The following MAML2 variants were observed in gnomAD, a reference collection of about 807,000 sequenced individuals.
The protein encoded by MAML2 is mastermind like transcriptional coactivator 2, also known as mastermind-like protein 2.
A neutral mutation model predicts 96.1 loss-of-function variants in MAML2; 22 were observed. The ratio of observed to expected loss-of-function variants is 0.23; its 90% confidence interval spans 0.16 to 0.33. The LOEUF (loss-of-function observed/expected upper bound fraction) is 0.33, where lower values mean the gene tolerates loss of function less well. MAML2 is among the 10% of genes least tolerant of loss of function. The pLI is 1.00. For missense variants in MAML2, 1,367 were observed against 1,392.4 expected (o/e 0.98, Z 0.29); for synonymous variants, 561 against 521.3 (o/e 1.08, Z -1.04).
chr11:96,137,029 A>G (rs1860644075), intron 1 of MAML2, among the ~76,000 whole-genome samples: 1 of 152,190 alleles, frequency 6.6e-6, no homozygotes, highest in Admixed American at 6.5e-5. Context: ...AAAAAATGCC[A>G]TCAGGGAAGC....
At chr11:96,216,072 CAG>C (rs1431070864) in intron 1 of MAML2, among the ~76,000 whole-genome samples, 1 of 152,084 alleles carries the variant, frequency 6.6e-6, no homozygotes, top group East Asian at 1.9e-4. Flanking sequence ...ATCATATTTG[CAG>C]AGTCACATGT....
chr11:96,314,338 T>G (rs1320317976), intron 1 of MAML2, among the ~76,000 whole-genome samples: 1 of 152,222 alleles, frequency 6.6e-6, no homozygotes, highest in Non-Finnish European at 1.5e-5. Context: ...TCTTTTTGGA[T>G]TATTTCAAAG....
intron 1 of MAML2, among the ~76,000 whole-genome samples, chr11:96,309,196 G>T (rs1180588431): frequency 6.6e-6 from 1 of 152,190 alleles, no homozygotes; most frequent in Non-Finnish European, 1.5e-5. Context: ...ATTGTGTCTA[G>T]CATCATACTG....
At chr11:96,302,411 C>T (rs1224165772) in intron 1 of MAML2, among the ~76,000 whole-genome samples, 1 of 152,172 alleles carries the variant, frequency 6.6e-6, no homozygotes, top group African/African-American at 2.4e-5. Context: ...CCCTAATTCC[C>T]AAGGGAGCCA....
chr11:96,068,350 T>C (rs575206710), intron 2 of MAML2, among the ~76,000 whole-genome samples: 2 of 151,834 alleles, frequency 1.3e-5, no homozygotes, highest in Non-Finnish European at 2.9e-5. Flanking sequence ...AGTAAGTCTA[T>C]GAACCTATGA....
Position 96,079,260 on chromosome 11 carries a change from A to C in MAML2, c.2139+12632T>G, listed in dbSNP as rs1354468749. On this transcript the variant is annotated intron_variant, in intron 2 of 4. Coordinates refer to ENST00000524717, the MANE Select transcript of MAML2 (RefSeq NM_032427.4). ...GTACTTGGGACTATGAAAATAATTT[A>C]AGTCTTTAACCAGACTTAAATTATA... 2.6e-5 allele frequency among the ~76,000 whole-genome samples: 4 copies of C among 152,214 alleles called. No individual in the cohort carries two copies. The East Asian group carries it at 7.7e-4, about 29-fold the overall frequency.
At chr11:96,069,486 C>A (rs1161706643) in intron 2 of MAML2, among the ~76,000 whole-genome samples, 1 of 151,656 alleles carries the variant, frequency 6.6e-6, no homozygotes, top group Non-Finnish European at 1.5e-5. Context: ...CCAGCCTGGG[C>A]AACATGGTAA....
At chr11:96,196,597 T>A (rs1251218370) in intron 1 of MAML2, among the ~76,000 whole-genome samples, 1 of 152,238 alleles carries the variant, frequency 6.6e-6, no homozygotes, top group East Asian at 1.9e-4. Context: ...GTAGCTCTAG[T>A]GAATAACAGG....
chr11:96,302,050 C>T (rs548400250), intron 1 of MAML2, among the ~76,000 whole-genome samples: 216 of 152,314 alleles, frequency 1.4e-3, no homozygotes, highest in African/African-American at 5.0e-3. Context: ...CCACCCTATT[C>T]AATCCTTACA....
chr11:96,196,948 G>T (rs1861742225), intron 1 of MAML2, among the ~76,000 whole-genome samples: 1 of 141,610 alleles, frequency 7.1e-6, no homozygotes, highest in Non-Finnish European at 1.5e-5. Context: ...TTATTATTGT[G>T]GTCCTTATAT....
chr11:96,112,900 G>C (rs1309464039), intron 1 of MAML2, among the ~76,000 whole-genome samples: 1 of 152,226 alleles, frequency 6.6e-6, no homozygotes, highest in Non-Finnish European at 1.5e-5. Flanking sequence ...TTGGTCAACT[G>C]CTGAGAAGAA....
chr11:96,172,069 G>T (rs1004242957), intron 1 of MAML2, among the ~76,000 whole-genome samples: 1 of 152,198 alleles, frequency 6.6e-6, no homozygotes, highest in Non-Finnish European at 1.5e-5. Context: ...AAAACACAAA[G>T]CACAGTATAT....
At position 96,342,652 on chromosome 11, in the gene MAML2, A is replaced by G. The variant is rs1254724269; in HGVS notation, c.-757T>C. ...GGAGACAGCTTTTCAACTGTTAACAATGTCAGTAATTGGACTTTTGGACCA... is the reference window on the plus strand; with the variant it reads ...GGAGACAGCTTTTCAACTGTTAACAGTGTCAGTAATTGGACTTTTGGACCA... On this transcript the variant is annotated 5_prime_UTR_variant, in exon 1 of 5. Coordinates refer to ENST00000524717, the MANE Select transcript of MAML2 (RefSeq NM_032427.4). 5 of 379,220 alleles carry G rather than the reference A, an allele frequency of 1.3e-5. No individual in the cohort carries two copies. The highest frequency in any genetic ancestry group is 2.3e-5 in the Non-Finnish European group (5 of 214,562). The allele number at this position is 379,220 out of a possible 1,614,324, so 23.5% of individuals were successfully genotyped here.
chr11:96,145,314 G>C (rs745485021), intron 1 of MAML2, among the ~76,000 whole-genome samples: 3 of 152,162 alleles, frequency 2.0e-5, no homozygotes, highest in Admixed American at 6.5e-5. Flanking sequence ...GTACCAACTC[G>C]TGGACAGTAG....
At chr11:95,984,255 A>G (rs573287047) in intron 4 of MAML2, among the ~76,000 whole-genome samples, 1 of 152,316 alleles carries the variant, frequency 6.6e-6, no homozygotes, top group East Asian at 1.9e-4. Flanking sequence ...CTAGGTTTGT[A>G]TAAGTACACT....
Position 95,978,650 on chromosome 11 carries a change from A to G in MAML2, c.*298T>C, listed in dbSNP as rs969472041. On this transcript the variant is annotated 3_prime_UTR_variant, in exon 5 of 5. Transcript: ENST00000524717. ...TTTCCAGGGAAAAAGAAACTTGGGA[A>G]GGCTATTTTACACAATTAATTACAC... The G allele has an allele frequency of 1.3e-5, 4 of 310,018 alleles. No individual in the cohort carries two copies. Among genetic ancestry groups the G allele is most frequent in the African/African-American group, 2.1e-5 (1 of 46,948 alleles). 19.2% of individuals were successfully genotyped at this position (310,018 alleles called of 1,614,324 possible).
intron 1 of MAML2, among the ~76,000 whole-genome samples, chr11:96,168,892 T>A (rs1861236094): frequency 6.6e-6 from 1 of 152,186 alleles, no homozygotes; most frequent in African/African-American, 2.4e-5. Flanking sequence ...TCCACTTGGG[T>A]TATTTCACAA....
At chr11:96,304,271 A>G (rs1464123090) in intron 1 of MAML2, among the ~76,000 whole-genome samples, 3 of 152,190 alleles carry the variant, frequency 2.0e-5, no homozygotes, top group Admixed American at 2.0e-4. Context: ...TATCATAGTC[A>G]TGTTTCCAGG....
At chr11:96,149,593 A>G (rs1272689) in intron 1 of MAML2, among the ~76,000 whole-genome samples, 72,773 of 151,584 alleles carry the variant, frequency 0.48, 18,536 homozygotes, top group East Asian at 0.85. Flanking sequence ...TTAGCCGGGC[A>G]TGGTGGCATG....
Sources: allele counts gnomAD v4.1 joint callset (sites outside exome capture counted in the v4.1 genomes callset), GRCh38; gene constraint gnomAD v4.1.1; transcripts MANE v1.5; gene names NCBI Gene and HGNC (gene_info 2026-07-23, HGNC 2026-07-21).